GRK2: variants seen among roughly 807,000 people sequenced by gnomAD.
The protein encoded by GRK2 is G protein-coupled receptor kinase 2, also known as adrenergic beta receptor kinase 1.
Under a neutral mutation model 97.8 loss-of-function variants are expected in GRK2, and 23 were observed. The observed-to-expected ratio is 0.24, with a 90% CI of 0.17 to 0.33. The LOEUF is 0.33. Ranked by LOEUF, GRK2 falls within the 10% of genes least tolerant of loss-of-function variation. The pLI, the probability that GRK2 is intolerant of heterozygous loss-of-function variation, is 1.00. For synonymous variants in GRK2, 425 were observed against 381.7 expected, an observed-to-expected ratio of 1.11 and a Z score of -1.32; for missense variants, 633 against 956.9, an observed-to-expected ratio of 0.66 and a Z score of 4.47.
At position 67,271,744 on chromosome 11, in the gene GRK2, C is replaced by G. The variant is rs1013050995; in HGVS notation, c.113+4932C>G. Reference sequence around the variant, plus strand: ...CGGGGCCAGCTGGCTTTTTCTCTCCCCTGCTCAGGGCTTACCTTGGACCTG... The same window carrying G: ...CGGGGCCAGCTGGCTTTTTCTCTCCGCTGCTCAGGGCTTACCTTGGACCTG... On this transcript the variant is annotated intron_variant, in intron 1 of 20. Transcript: ENST00000308595. 1.4e-4 allele frequency among the ~76,000 whole-genome samples: 21 copies of G among 152,234 alleles called. 1 individual carries two copies. The highest frequency in any genetic ancestry group is 1.6e-4 in the Non-Finnish European group (11 of 68,036).
rs749910725 is a variant in GRK2, at chr11:67,283,958, C to A, written c.1491+9C>A. ...ACACAAAAGGAATCAAGGTACTGGG[C>A]CTTGCCTGGCCTCTTGTACCTAGGC... On this transcript the variant is annotated intron_variant, in intron 17 of 20. Transcript: ENST00000308595. 6.3e-6 allele frequency: 10 copies of A among 1,595,604 alleles called. No homozygotes were observed. The South Asian group carries it at 1.1e-4, about 18-fold the overall frequency.
intron 1 of GRK2, among the ~76,000 whole-genome samples, chr11:67,268,320 G>A (rs1859839947): frequency 6.6e-6 from 1 of 152,210 alleles, no homozygotes; most frequent in Non-Finnish European, 1.5e-5. Context: ...GCCTGGGAGA[G>A]GAAAATTGGT....
chr11:67,276,558 G>A lies in GRK2; in HGVS notation c.114-714G>A, dbSNP rs1565064678. The A allele has an allele frequency of 6.6e-6, 1 of 152,090 alleles. No homozygotes were observed. The highest frequency in any genetic ancestry group is 1.5e-5 in the Non-Finnish European group (1 of 68,014). The allele number at this position is 152,090 out of a possible 1,614,324, so 9.4% of individuals were successfully genotyped here. A position where few individuals can be genotyped will look rare whatever the true frequency, so the allele number is the denominator to read the frequency against. On this transcript the variant is annotated intron_variant, in intron 1 of 20. Coordinates refer to ENST00000308595, the MANE Select transcript of GRK2 (RefSeq NM_001619.5). This position sits in a 1 kb window ranked among gnomAD's most constrained non-coding sequence, Gnocchi z 4.2. ...ACTAGGGACACACGAACCAAGGCAT[G>A]GCCTTTTCTTACAATTTAAAAAATT... is the stretch of plus-strand genomic sequence containing the variant.
At chr11:67,280,695 T>C in intron 6 of GRK2, 37 bp from the exon 7 acceptor site, 1 of 1,613,460 alleles carries the variant, frequency 6.2e-7, no homozygotes, top group South Asian at 1.1e-5. Flanking sequence ...CTTCCCACAT[T>C]CTGAGTGGCC....
intron 1 of GRK2, 33 bp from the exon 2 acceptor site, chr11:67,277,239 G>T: frequency 6.2e-7 from 1 of 1,610,770 alleles, no homozygotes; most frequent in Non-Finnish European, 8.5e-7. Context: ...GGGCTCTGGG[G>T]GCTTCTGCTT....
intron 1 of GRK2, among the ~76,000 whole-genome samples, chr11:67,273,617 C>G (rs980570334): frequency 6.6e-6 from 1 of 152,128 alleles, no homozygotes; most frequent in African/African-American, 2.4e-5. Context: ...TGGGGGCCTT[C>G]CATTCAAGGA....
At position 67,284,405 on chromosome 11, in the gene GRK2, C is replaced by T. The variant is rs757420284; in HGVS notation, c.1654+32C>T. ...GTCGCCGGCTGCTGCGGCACCAGGC[C>T]CCTGCCTGCTTAGAAGTGAGCAGCT... On this transcript the variant is annotated intron_variant, in intron 18 of 20. Coordinates refer to ENST00000308595, the MANE Select transcript of GRK2 (RefSeq NM_001619.5). 5.0e-6 allele frequency: 8 copies of T among 1,607,368 alleles called. No homozygotes were observed. In the South Asian group the frequency reaches 8.8e-5, roughly 18 times the overall value.
chr11:67,281,856 G>A lies in GRK2; in HGVS notation c.861G>A (p.Gly287=), dbSNP rs142524893. The stretch of plus-strand genomic sequence containing the variant: ...TGCACTACCACCTCTCCCAGCACGG[G>A]GTCTTCTCAGAGGCTGACATGCGCT... ...GDLHYHLSQH[G]VFSEADMRFY... The change falls in exon 11 of 21, where the codon GGG becomes GGA. Residue 287 remains glycine, a synonymous_variant. Coordinates refer to ENST00000308595, the MANE Select transcript of GRK2 (RefSeq NM_001619.5). The surrounding 1 kb of genome is among the most constrained non-coding windows in gnomAD (Gnocchi z 5.7). 478 of 1,613,662 alleles carry A rather than the reference G, an allele frequency of 3.0e-4. No individual in the cohort carries two copies. The African/African-American group carries it at 5.7e-3, about 19-fold the overall frequency.
chr11:67,277,599 T>G (rs1363039022), intron 2 of GRK2, among the ~76,000 whole-genome samples: 1 of 152,242 alleles, frequency 6.6e-6, no homozygotes, highest in Non-Finnish European at 1.5e-5. Flanking sequence ...GGGAAGTTCC[T>G]CCTTTGGGGT....
chr11:67,281,768 C>T lies in GRK2; in HGVS notation c.826+40C>T, dbSNP rs749651599. 3 of 1,613,652 alleles carry T rather than the reference C, an allele frequency of 1.9e-6. No individual in the cohort carries two copies. Among genetic ancestry groups the T allele is most frequent in the Non-Finnish European group, 2.5e-6 (3 of 1,180,000 alleles). On this transcript the variant is annotated intron_variant, in intron 10 of 20. Coordinates refer to ENST00000308595, the MANE Select transcript of GRK2 (RefSeq NM_001619.5). The surrounding 1 kb of genome is among the most constrained non-coding windows in gnomAD (Gnocchi z 5.7). The stretch of plus-strand genomic sequence containing the variant: ...GGCCCTAGGGTGGGCCGGGCCCAGG[C>T]ACGGGAGGCTGGGGCAAGACACTGA...
At chr11:67,267,232 C>A (rs1859819680) in intron 1 of GRK2, among the ~76,000 whole-genome samples, 1 of 152,248 alleles carries the variant, frequency 6.6e-6, no homozygotes, top group Admixed American at 6.5e-5. Flanking sequence ...CCTCCGCTGG[C>A]CACCATTTAC....
chr11:67,281,526 G>A lies in GRK2; in HGVS notation c.715G>A (p.Glu239Lys). 6.2e-7 allele frequency: 1 copy of A among 1,613,602 alleles called. No homozygotes were observed. The change falls in exon 9 of 21, where the codon GAG becomes AAG. Residue 239 changes from glutamate to lysine, a missense_variant. This residue lies in a region of GRK2 where 192 missense variants were observed against 362.3 expected (regional missense o/e 0.53). Transcript: ENST00000308595. The surrounding 1 kb of genome is among the most constrained non-coding windows in gnomAD (Gnocchi z 5.7). ...MKQGETLALN[E>K]RIMLSLVSTG... ...GCAGGGGGAGACCCTGGCCCTGAAC[G>A]AGCGCATCATGCTCTCGCTCGTCAG...
At position 67,279,459 on chromosome 11, in the gene GRK2, G is replaced by A. The variant is rs1234251322; in HGVS notation, c.306G>A (p.Val102=). The change falls in exon 4 of 21, where the codon GTG becomes GTA. Residue 102 remains valine (V), a synonymous_variant. Transcript: ENST00000308595. The part of the protein sequence containing the change: ...YEKLETEEER[V]ARSREIFDSY... Reference sequence around the variant, plus strand: ...AGCTGGAGACGGAGGAGGAGCGTGTGGCCCGCAGCCGGGAGATCTTCGACT... The same window carrying A: ...AGCTGGAGACGGAGGAGGAGCGTGTAGCCCGCAGCCGGGAGATCTTCGACT... 2 of 1,613,158 alleles carry A rather than the reference G, an allele frequency of 1.2e-6. No homozygotes were observed. Among genetic ancestry groups the A allele is most frequent in the South Asian group, 1.1e-5 (1 of 91,086 alleles).
chr11:67,273,182 C>A (rs1442271400), intron 1 of GRK2, among the ~76,000 whole-genome samples: 1 of 152,232 alleles, frequency 6.6e-6, no homozygotes, highest in Non-Finnish European at 1.5e-5. Context: ...AGTTTGTGAC[C>A]AGGTGGTGAG....
At chr11:67,279,326 G>C in intron 3 of GRK2, 53 bp downstream of exon 3, 1 of 1,609,780 alleles carries the variant, frequency 6.2e-7, no homozygotes, top group Admixed American at 1.7e-5. Flanking sequence ...GGAGGAGGTT[G>C]GGGCGGCTTT....
chr11:67,284,447 A>T, intron 18 of GRK2, 74 bp downstream of exon 18: 1 of 1,527,752 alleles, frequency 6.5e-7, no homozygotes, highest in Non-Finnish European at 8.9e-7. Flanking sequence ...GGTTTAAGGA[A>T]CTCACCCTGG....
chr11:67,266,478 C>A lies in GRK2; in HGVS notation c.-222C>A. 6.9e-6 allele frequency: 1 copy of A among 144,396 alleles called. No individual in the cohort carries two copies. Among genetic ancestry groups the A allele is most frequent in the South Asian group, 2.0e-4 (1 of 5,008 alleles). 8.9% of individuals were successfully genotyped at this position (144,396 alleles called of 1,614,324 possible). A position where few individuals can be genotyped will look rare whatever the true frequency, so the allele number is the denominator to read the frequency against. On this transcript the variant is annotated 5_prime_UTR_variant, in exon 1 of 21. Coordinates refer to ENST00000308595, the MANE Select transcript of GRK2 (RefSeq NM_001619.5). ...GGCGGCGGCGCCCCGACTGCAGTCC[C>A]GGCGGGAGCGGAGCGCGAGCCGGGG...
At position 67,280,866 on chromosome 11, in the gene GRK2, G is replaced by A. The variant is rs1200511410; in HGVS notation, c.555+83G>A. 2.6e-6 allele frequency: 4 copies of A among 1,516,558 alleles called. No individual in the cohort carries two copies. In the Admixed American group the frequency reaches 5.0e-5, roughly 19 times the overall value. 93.9% of individuals were successfully genotyped at this position (1,516,558 alleles called of 1,614,324 possible). ...AGCTGGGCCTGTGGCTTGGCTGGGA[G>A]GGGGAGGTCAGGGGATGTCTGTCCT... On this transcript the variant is annotated intron_variant, in intron 7 of 20. Transcript: ENST00000308595.
At chr11:67,271,374 G>T (rs1289702724) in intron 1 of GRK2, among the ~76,000 whole-genome samples, 1 of 152,242 alleles carries the variant, frequency 6.6e-6, no homozygotes, top group Non-Finnish European at 1.5e-5. Context: ...TGGCAGAAGT[G>T]GGTTTTCTGG....
Sources: allele counts gnomAD v4.1 joint callset (sites outside exome capture counted in the v4.1 genomes callset), GRCh38; gene constraint gnomAD v4.1.1; regional missense constraint gnomAD v4.1.1; non-coding constraint Gnocchi (gnomAD v3.1); transcripts MANE v1.5; gene names NCBI Gene and HGNC (gene_info 2026-07-23, HGNC 2026-07-21).